The following SCN10A variants were observed in gnomAD, a reference collection of about 807,000 sequenced individuals.
SCN10A encodes the protein sodium channel protein type 10 subunit alpha.
Under a neutral mutation model 170.7 loss-of-function variants are expected in SCN10A, and 162 were observed. That is an observed-to-expected ratio of 0.95 (90% CI 0.84 to 1.08). The LOEUF (loss-of-function observed/expected upper bound fraction) is 1.08. Ranked by LOEUF, SCN10A falls within the 50% of genes least tolerant of loss-of-function variation. The pLI is 0.00. For missense variants in SCN10A, 2,527 were observed against 2,436.9 expected, an observed-to-expected ratio of 1.04 and a Z score of -0.78; for synonymous variants, 985 against 904.6, an observed-to-expected ratio of 1.09 and a Z score of -1.59.
chr3:38,712,595 G>T, intron 22 of SCN10A, 150 bp from the exon 23 acceptor site: 1 of 718,028 alleles, frequency 1.4e-6, no homozygotes, highest in Admixed American at 2.9e-5. Flanking sequence ...CAATAATTCA[G>T]ACTCAGAAGA....
chr3:38,795,465 C>T (rs183581155), intron 1 of SCN10A, among the ~76,000 whole-genome samples: 50 of 151,728 alleles, frequency 3.3e-4, no homozygotes, highest in African/African-American at 1.2e-3. Context: ...CTCAGCCTCC[C>T]GAATAGCTGG....
At position 38,792,143 on chromosome 3, in the gene SCN10A, C is replaced by T. The variant is rs2064290705; in HGVS notation, c.296G>A (p.Arg99Lys). Residue 99 changes from arginine to lysine, a missense_variant, in exon 3 of 28, where the codon AGG (arginine) becomes AAG (lysine). Arg to Lys is a conservative substitution (Grantham distance 26). Transcript: ENST00000449082. ...AGTGGCACTAAACCGGGAAATGGTC[C>T]TCCCTTTGTTCAGCACCATAAATGT... ...HRTFMVLNKG[R>K]TISRFSATRA... The T allele has an allele frequency of 1.2e-6, 2 of 1,613,816 alleles. No individual in the cohort carries two copies. Among genetic ancestry groups the T allele is most frequent in the Non-Finnish European group, 1.7e-6 (2 of 1,179,804 alleles).
chr3:38,788,482 T>A (rs2064236494), intron 4 of SCN10A, among the ~76,000 whole-genome samples: 1 of 152,212 alleles, frequency 6.6e-6, no homozygotes. Flanking sequence ...TTTCTAAATA[T>A]ACTCCAGAGC....
At chr3:38,719,367 C>CTTTTTTTT (rs555646896) in intron 20 of SCN10A, among the ~76,000 whole-genome samples, 12 of 69,130 alleles carry the variant, frequency 1.7e-4, no homozygotes, top group Non-Finnish European at 2.5e-4. Flanking sequence ...GGCTGCCACT[C>CTTTTTTTT]TTTTTTTTTT....
intron 5 of SCN10A, among the ~76,000 whole-genome samples, chr3:38,771,048 C>G (rs376743851): frequency 6.6e-6 from 1 of 152,178 alleles, no homozygotes; most frequent in East Asian, 1.9e-4. Flanking sequence ...TGGGAGCTCA[C>G]AGTTTTTCAC....
In SCN10A at chr3:38,792,067, G is replaced by C. The variant is rs575521978; in HGVS notation, c.372C>G (p.Ile124Met). ...SPFNLIRRTAIKVSVHSWFSL... is the reference protein window; with the variant it reads ...SPFNLIRRTAMKVSVHSWFSL... ...AAGGATATGAGTGGACAGACACTTTGATGGCCGTTCTTCTGATCAGGTTGA... is the reference window on the plus strand; with the variant it reads ...AAGGATATGAGTGGACAGACACTTTCATGGCCGTTCTTCTGATCAGGTTGA... Residue 124 changes from isoleucine to methionine, a missense_variant, in exon 3 of 28, where the codon ATC becomes ATG. Coordinates refer to ENST00000449082, the MANE Select transcript of SCN10A (RefSeq NM_006514.4). 1 of 1,613,618 alleles carries C rather than the reference G, an allele frequency of 6.2e-7. No individual in the cohort carries two copies. The highest frequency in any genetic ancestry group is 8.5e-7 in the Non-Finnish European group (1 of 1,179,756).
At position 38,698,191 on chromosome 3, in the gene SCN10A, A is replaced by AG. The variant is rs748973626; in HGVS notation, c.5028dup (p.Tyr1677LeufsTer3). ...CTGTTGGGCAGATTGGGGTCACAGT[A>AG]GGGGGGCCCTGTGTTGAGGATGGGG... On this transcript the variant is annotated frameshift_variant, in exon 28 of 28. Transcript: ENST00000449082. LOFTEE classifies it high-confidence loss of function. 2.3e-5 allele frequency: 37 copies of AG among 1,613,908 alleles called. No homozygotes were observed. Among genetic ancestry groups the AG allele is most frequent in the Admixed American group, 1.7e-5 (1 of 59,988 alleles).
intron 4 of SCN10A, among the ~76,000 whole-genome samples, chr3:38,776,752 G>C (rs892480947): frequency 4.6e-5 from 7 of 152,048 alleles, no homozygotes; most frequent in Non-Finnish European, 8.8e-5. Flanking sequence ...GACAATTGAG[G>C]AGAGAGTTGG....
chr3:38,803,201 G>T lies in SCN10A; in HGVS notation c.-32-9159C>A, dbSNP rs1203752978. ...ATAGGAAAAATTTTACACTGTTGGT[G>T]GGACTGTAAACTAGTTCAACCATTG... is the stretch of plus-strand genomic sequence containing the variant. On this transcript the variant is annotated intron_variant, in intron 1 of 27. Coordinates refer to ENST00000449082, the MANE Select transcript of SCN10A (RefSeq NM_006514.4). 2.6e-5 allele frequency among the ~76,000 whole-genome samples: 4 copies of T among 152,284 alleles called. No individual in the cohort carries two copies. In the East Asian group the frequency reaches 7.7e-4, roughly 29 times the overall value.
intron 1 of SCN10A, among the ~76,000 whole-genome samples, chr3:38,802,931 A>G (rs1195886204): frequency 6.6e-6 from 1 of 152,200 alleles, no homozygotes; most frequent in East Asian, 1.9e-4. Flanking sequence ...AGAATCTACA[A>G]AGAACTCCAA....
chr3:38,772,643 C>A (rs1431030472), intron 4 of SCN10A, among the ~76,000 whole-genome samples: 1 of 151,654 alleles, frequency 6.6e-6, no homozygotes, highest in Non-Finnish European at 1.5e-5. Flanking sequence ...GAGCCTAGAT[C>A]GCGTCACTGC....
intron 5 of SCN10A, among the ~76,000 whole-genome samples, chr3:38,765,266 T>C (rs965360813): frequency 6.6e-6 from 1 of 152,354 alleles, no homozygotes; most frequent in Admixed American, 6.5e-5. Flanking sequence ...TTTGGGTCCT[T>C]GGTCAGGAAC....
At position 38,698,806 on chromosome 3, in the gene SCN10A, G is replaced by C. The variant is rs62243861; in HGVS notation, c.4658-244C>G. On this transcript the variant is annotated intron_variant, in intron 27 of 27. Transcript: ENST00000449082. Reference sequence around the variant, plus strand: ...TTCCTACCATGTTATCTTTGCCTCCGCCTAGAATATCCTCTTGGTCAACCT... The same window carrying C: ...TTCCTACCATGTTATCTTTGCCTCCCCCTAGAATATCCTCTTGGTCAACCT... Among the ~76,000 whole-genome samples, 6 of 151,940 alleles carry C rather than the reference G, an allele frequency of 3.9e-5. 1 individual carries two copies. Among genetic ancestry groups the C allele is most frequent in the Admixed American group, 1.3e-4 (2 of 15,266 alleles).
chr3:38,710,273 T>C (rs1441771319), intron 24 of SCN10A, among the ~76,000 whole-genome samples: 7 of 152,118 alleles, frequency 4.6e-5, no homozygotes, highest in Admixed American at 4.6e-4. Flanking sequence ...GATTCTCCTG[T>C]CTCAGTCTCC....
intron 16 of SCN10A, 50 bp downstream of exon 16, chr3:38,728,492 C>T (rs141622599): frequency 2.0e-6 from 3 of 1,505,202 alleles, no homozygotes; most frequent in Non-Finnish European, 2.7e-6. Flanking sequence ...AACCCAGAAG[C>T]CTTCTCCTTT....
chr3:38,704,611 G>A (rs1412183768), intron 26 of SCN10A, among the ~76,000 whole-genome samples: 2 of 152,198 alleles, frequency 1.3e-5, no homozygotes, highest in Non-Finnish European at 2.9e-5. Context: ...TGGAGTATGT[G>A]AGAGCTGCTT....
intron 2 of SCN10A, among the ~76,000 whole-genome samples, chr3:38,793,275 A>G (rs1193510761): frequency 6.6e-6 from 1 of 152,146 alleles, no homozygotes; most frequent in East Asian, 1.9e-4. Context: ...ATTGTTATAC[A>G]ATAGTTTTCA....
At chr3:38,702,826 C>T (rs2063170880) in intron 26 of SCN10A, among the ~76,000 whole-genome samples, 1 of 152,166 alleles carries the variant, frequency 6.6e-6, no homozygotes. Context: ...GCCTGGATAA[C>T]CAAGAGATCA....
intron 19 of SCN10A, 60 bp downstream of exon 19, chr3:38,723,370 T>C (rs776762727): frequency 5.6e-6 from 9 of 1,604,554 alleles, no homozygotes; most frequent in Non-Finnish European, 7.7e-6. Context: ...GAGTGTTCGC[T>C]CAACTGGATT....
Sources: allele counts gnomAD v4.1 joint callset (sites outside exome capture counted in the v4.1 genomes callset), GRCh38; gene constraint gnomAD v4.1.1; transcripts MANE v1.5; gene names NCBI Gene and HGNC (gene_info 2026-07-23, HGNC 2026-07-21).